The following COL6A1 variants were observed in gnomAD, a reference collection of about 807,000 sequenced individuals.
COL6A1 encodes collagen type VI alpha 1 chain, also known as collagen alpha-1(VI) chain.
COL6A1 carries 80 observed loss-of-function variants against 145.6 expected under a neutral mutation model. The ratio of observed to expected loss-of-function variants is 0.55; its 90% CI spans 0.46 to 0.66. COL6A1 has a LOEUF of 0.66. Ranked by LOEUF, COL6A1 falls within the 30% of genes least tolerant of loss-of-function variation. COL6A1 has a pLI of 0.00. For missense variants in COL6A1, 1,364 were observed against 1,473.8 expected (o/e 0.93, Z 1.22); for synonymous variants, 638 against 622.8 (o/e 1.02, Z -0.36).
chr21:45,987,473 C>T lies in COL6A1; in HGVS notation c.739-26C>T, dbSNP rs759626248. The T allele has an allele frequency of 1.9e-5, 30 of 1,612,886 alleles. 1 individual carries two copies. The South Asian group carries it at 3.2e-4, about 17-fold the overall frequency. On this transcript the variant is annotated intron_variant, in intron 6 of 34. Transcript: ENST00000361866. ...CGTATGTCCGTGGCTTTCCCACTGA[C>T]TCGTCTCCATGCTTTCCCCCCACAG...
Position 45,998,422 on chromosome 21 carries a change from C to T in COL6A1, c.1600C>T (p.Pro534Ser). 4 of 1,613,274 alleles carry T rather than the reference C, an allele frequency of 2.5e-6. No homozygotes were observed. The highest frequency in any genetic ancestry group is 3.4e-6 in the Non-Finnish European group (4 of 1,180,004). ...GGGGTATCCGGGCAACAGGGGCGCT[C>T]CCGGGATAAACGTGAGTACGCCCCC... ...FPGYPGNRGA[P>S]GINGTKGYPG... Residue 534 changes from proline (P) to serine (S), a missense_variant, in exon 24 of 35, where the codon CCC becomes TCC. Pro to Ser is a moderately conservative substitution (Grantham distance 74). Coordinates refer to ENST00000361866, the MANE Select transcript of COL6A1 (RefSeq NM_001848.3).
At chr21:45,992,291 A>C in intron 17 of COL6A1, 72 bp from the exon 18 acceptor site, 3 of 1,613,074 alleles carry the variant, frequency 1.9e-6, no homozygotes, top group Non-Finnish European at 2.5e-6. Flanking sequence ...CTCGGGGTCT[A>C]CTCCACGTCC....
At chr21:45,996,110 C>T (rs1041691242) in intron 20 of COL6A1, among the ~76,000 whole-genome samples, 18 of 152,258 alleles carry the variant, frequency 1.2e-4, no homozygotes, top group African/African-American at 4.3e-4. Flanking sequence ...GTCTGGCCTC[C>T]TGCTGTCTGT....
At chr21:45,998,493 C>T (rs2077819745) in intron 24 of COL6A1, 60 bp downstream of exon 24, 1 of 1,607,868 alleles carries the variant, frequency 6.2e-7, no homozygotes, top group Admixed American at 1.7e-5. Flanking sequence ...GTCACAGGGA[C>T]ACGCACGTGT....
At chr21:46,001,207 A>G (rs972350201) in intron 29 of COL6A1, 46 bp from the exon 30 acceptor site, 3 of 1,589,280 alleles carry the variant, frequency 1.9e-6, no homozygotes, top group African/African-American at 1.3e-5. Context: ...GGGCCAGGGC[A>G]CTGGAGGGGA....
At chr21:45,987,207 A>T in intron 6 of COL6A1, 32 bp downstream of exon 6, 1 of 1,581,154 alleles carries the variant, frequency 6.3e-7, no homozygotes. Context: ...CCCAGCCGTG[A>T]GTCTGCACAC....
intron 6 of COL6A1, 34 bp downstream of exon 6, chr21:45,987,209 T>A (rs1160114262): frequency 1.3e-6 from 2 of 1,581,868 alleles, no homozygotes; most frequent in Non-Finnish European, 1.7e-6. Context: ...CAGCCGTGAG[T>A]CTGCACACGT....
chr21:45,984,607 C>T (rs1265382076), intron 3 of COL6A1, 138 bp downstream of exon 3: 2 of 764,304 alleles, frequency 2.6e-6, no homozygotes, highest in Admixed American at 2.1e-5. Context: ...CTCCCTGACC[C>T]ACTTTGTGGG....
Position 45,990,438 on chromosome 21 carries a change from T to TAGGATGGACGGGGAGGGACG in COL6A1, c.1002+21_1002+40dup, listed in dbSNP as rs780180648. 2.7e-5 allele frequency: 16 copies of TAGGATGGACGGGGAGGGACG among 588,838 alleles called. 1 individual carries two copies. The South Asian group carries it at 4.4e-4, about 16-fold the overall frequency. 36.5% of individuals were successfully genotyped at this position (588,838 alleles called of 1,614,324 possible). On this transcript the variant is annotated intron_variant, in intron 13 of 34. Coordinates refer to ENST00000361866, the MANE Select transcript of COL6A1 (RefSeq NM_001848.3). Reference sequence around the variant, plus strand: ...CGGCGTGAAGGTGACTGGGGGGAGATAGGATGGACGGGGAGGGACGAGGAG... The same window carrying TAGGATGGACGGGGAGGGACG: ...CGGCGTGAAGGTGACTGGGGGGAGATAGGATGGACGGGGAGGGACGAGGATGGACGGGGAGGGACGAGGAG...
At chr21:45,988,873 C>T (rs879535458) in intron 8 of COL6A1, among the ~76,000 whole-genome samples, 9 of 152,062 alleles carry the variant, frequency 5.9e-5, no homozygotes, top group Admixed American at 1.3e-4. Context: ...TCAGCAAAGC[C>T]GAGCAGACAG....
At chr21:45,984,939 GAGAC>G (rs2077729890) in intron 3 of COL6A1, among the ~76,000 whole-genome samples, 1 of 151,726 alleles carries the variant, frequency 6.6e-6, no homozygotes, top group Non-Finnish European at 1.5e-5. Context: ...CAGAGACAGA[GAGAC>G]AGAAACAGGG....
At position 45,994,978 on chromosome 21, in the gene COL6A1, C is replaced by T. The variant is rs2077796966; in HGVS notation, c.1398+749C>T. On this transcript the variant is annotated intron_variant, in intron 20 of 34. Transcript: ENST00000361866. The surrounding 1 kb of genome is among the most constrained non-coding windows in gnomAD (Gnocchi z 6.8). Reference sequence around the variant, plus strand: ...TGCGCAGCTGCCCACACACCGAGCACAAGGCCAGACCCTGGGCACGGCAGC... The same window carrying T: ...TGCGCAGCTGCCCACACACCGAGCATAAGGCCAGACCCTGGGCACGGCAGC... 6.6e-6 allele frequency among the ~76,000 whole-genome samples: 1 copy of T among 152,268 alleles called. No individual in the cohort carries two copies. Among genetic ancestry groups the T allele is most frequent in the Non-Finnish European group, 1.5e-5 (1 of 68,050 alleles).
chr21:45,998,581 C>T lies in COL6A1; in HGVS notation c.1611+148C>T, dbSNP rs189818630. ...CCCACGGCTGCCCCACTGTCTGTGG[C>T]CACAGCCCCAGTTGGCATCGGCTCC... On this transcript the variant is annotated intron_variant, in intron 24 of 34. Transcript: ENST00000361866. 702 of 1,133,666 alleles carry T rather than the reference C, an allele frequency of 6.2e-4. 2 individuals are homozygous for T. In the African/African-American group the frequency reaches 9.3e-3, roughly 15 times the overall value. 70.2% of individuals were successfully genotyped at this position (1,133,666 alleles called of 1,614,324 possible).
In COL6A1 at chr21:46,001,243, C is replaced by G; in HGVS notation, c.1823-10C>G. 3.1e-6 allele frequency: 5 copies of G among 1,603,064 alleles called. No homozygotes were observed. The highest frequency in any genetic ancestry group is 4.2e-6 in the Non-Finnish European group (5 of 1,178,396). On this transcript the variant is annotated splice_polypyrimidine_tract_variant and intron_variant, in intron 29 of 34. Transcript: ENST00000361866. ...GGGGCGTGCTCTGCTGACACCGCCCCCGCCTGCAGAATGCAAGTGCGGCCC... is the reference window on the plus strand; with the variant it reads ...GGGGCGTGCTCTGCTGACACCGCCCGCGCCTGCAGAATGCAAGTGCGGCCC...
intron 20 of COL6A1, 82 bp from the exon 21 acceptor site, chr21:45,997,339 C>A: frequency 7.4e-7 from 1 of 1,356,444 alleles, no homozygotes; most frequent in Non-Finnish European, 1.1e-6. Context: ...GCCTCTTGGT[C>A]TGAGACCCTC....
At chr21:45,999,284 G>A in intron 26 of COL6A1, 66 bp downstream of exon 26, 1 of 1,439,522 alleles carries the variant, frequency 6.9e-7, no homozygotes, top group Admixed American at 2.0e-5. Flanking sequence ...CTGGGGCTGG[G>A]GAATGCTGGA....
At position 46,004,293 on chromosome 21, in the gene COL6A1, G is replaced by C. The variant is rs565730556; in HGVS notation, c.*280G>C. 5.7e-6 allele frequency: 3 copies of C among 528,424 alleles called. No individual in the cohort carries two copies. The highest frequency in any genetic ancestry group is 4.3e-5 in the South Asian group (2 of 46,044). 32.7% of individuals were successfully genotyped at this position (528,424 alleles called of 1,614,324 possible). A position where few individuals can be genotyped will look rare whatever the true frequency, so the allele number is the denominator to read the frequency against. On this transcript the variant is annotated 3_prime_UTR_variant, in exon 35 of 35. Transcript: ENST00000361866. ...CTCTGAGGCTCAGCCCTGAGCTGGC[G>C]TCACCTGTGCAGGGCCCTCTGGGGC...
intron 2 of COL6A1, among the ~76,000 whole-genome samples, chr21:45,984,021 C>G (rs2077723315): frequency 6.6e-6 from 1 of 152,222 alleles, no homozygotes; most frequent in Non-Finnish European, 1.5e-5. Flanking sequence ...CCCACCCCAG[C>G]AGGGCCACAC....
chr21:45,997,523 G>GC (rs761118768), intron 21 of COL6A1, 40 bp downstream of exon 21: 5 of 1,602,154 alleles, frequency 3.1e-6, no homozygotes, highest in Non-Finnish European at 1.7e-6. Flanking sequence ...CACCCAGGGG[G>GC]GCCTGAGGAT....
Sources: gnomAD v4.1 joint callset for allele counts (sites outside exome capture counted in the v4.1 genomes callset) on GRCh38, gnomAD v4.1.1 for gene constraint, Gnocchi (gnomAD v3.1) non-coding constraint, MANE v1.5 for transcripts, NCBI Gene and HGNC (gene_info 2026-07-23, HGNC 2026-07-21) for gene names.